HACD1: variants seen among roughly 807,000 people sequenced by gnomAD.
The protein encoded by HACD1 is very-long-chain (3R)-3-hydroxyacyl-CoA dehydratase 1.
In HACD1, 41 loss-of-function variants were observed where a neutral mutation model predicts 32.0. That is an observed-to-expected ratio of 1.28 (90% confidence interval 1.00 to 1.66). The LOEUF (loss-of-function observed/expected upper bound fraction) is 1.66, where lower values mean the gene tolerates loss of function less well. Ranked by LOEUF, HACD1 falls within the 40% of genes most tolerant of loss-of-function variation. The pLI is 0.00. For synonymous variants in HACD1, 142 were observed against 139.0 expected, an observed-to-expected ratio of 1.02 and a Z score of -0.15; for missense variants, 396 against 380.1, an observed-to-expected ratio of 1.04 and a Z score of -0.35.
At chr10:17,608,715 G>C (rs1834183768) in intron 1 of HACD1, among the ~76,000 whole-genome samples, 1 of 152,070 alleles carries the variant, frequency 6.6e-6, no homozygotes, top group African/African-American at 2.4e-5. Flanking sequence ...TCGAACTCCT[G>C]ACCTCAAGCG....
intron 5 of HACD1, among the ~76,000 whole-genome samples, chr10:17,597,430 G>T (rs758573775): frequency 6.6e-6 from 1 of 152,140 alleles, no homozygotes. Context: ...GAGCCACCAC[G>T]CCCAGCCTGC....
intron 1 of HACD1, among the ~76,000 whole-genome samples, chr10:17,609,407 C>T (rs1459291224): frequency 6.6e-6 from 1 of 151,988 alleles, no homozygotes; most frequent in Non-Finnish European, 1.5e-5. Flanking sequence ...CTCGCCTCGC[C>T]CTCCTAAAGT....
intron 1 of HACD1, among the ~76,000 whole-genome samples, chr10:17,612,479 C>T (rs1386386621): frequency 9.2e-5 from 14 of 151,914 alleles, no homozygotes; most frequent in African/African-American, 2.7e-4. Context: ...ATAAGCATTG[C>T]GAATAAGTAA....
chr10:17,599,370 C>G lies in HACD1; in HGVS notation c.525G>C (p.Trp175Cys). The G allele has an allele frequency of 6.2e-7, 1 of 1,613,816 alleles. No homozygotes were observed. ...AATAGCGAGTGATCTCTGTCACAGT[C>G]CACGCGACCAGAAAAAGCACCACAC... ...EESVVLFLVA[W>C]TVTEITRYSF... Residue 175 changes from tryptophan (W) to cysteine (C), a missense_variant, in exon 5 of 7, where the codon TGG (tryptophan) becomes TGC (cysteine). Physicochemically the swap from Trp to Cys is radical, Grantham distance 215 (BLOSUM62 -2). Coordinates refer to ENST00000361271, the MANE Select transcript of HACD1 (RefSeq NM_014241.4).
chr10:17,604,480 C>CAAAA (rs11354623), intron 1 of HACD1, among the ~76,000 whole-genome samples: 18 of 82,268 alleles, frequency 2.2e-4, no homozygotes, highest in East Asian at 7.2e-4. Context: ...CTGTCCGTCT[C>CAAAA]AAAAAAAAAA....
intron 1 of HACD1, chr10:17,615,800 CT>C: frequency 2.3e-6 from 1 of 429,626 alleles, no homozygotes; most frequent in South Asian, 1.6e-5. Context: ...TACCCTGTCT[CT>C]ACCAAAAATA....
At chr10:17,599,116 TA>T in intron 5 of HACD1, 173 bp downstream of exon 5, 4 of 1,183,136 alleles carry the variant, frequency 3.4e-6, no homozygotes, top group Non-Finnish European at 4.4e-6. Flanking sequence ...CTCTCATCAT[TA>T]AGCTTTTAGA....
intron 5 of HACD1, among the ~76,000 whole-genome samples, chr10:17,597,077 G>A (rs1395919186): frequency 6.6e-6 from 1 of 152,154 alleles, no homozygotes; most frequent in Non-Finnish European, 1.5e-5. Flanking sequence ...ATGATCAACT[G>A]ACAAAGTATT....
intron 1 of HACD1, among the ~76,000 whole-genome samples, chr10:17,610,048 A>G (rs1265232902): frequency 6.6e-6 from 1 of 151,198 alleles, no homozygotes; most frequent in Non-Finnish European, 1.5e-5. Context: ...CAGCCCCTCC[A>G]CTCCTAGGTA....
intron 4 of HACD1, among the ~76,000 whole-genome samples, chr10:17,602,490 A>G (rs564346558): frequency 6.6e-6 from 1 of 152,328 alleles, no homozygotes; most frequent in African/African-American, 2.4e-5. Flanking sequence ...ATGCCTCAAT[A>G]AAAATTGTTT....
intron 5 of HACD1, among the ~76,000 whole-genome samples, chr10:17,594,681 T>C (rs528319544): frequency 1.4e-4 from 21 of 152,176 alleles, no homozygotes; most frequent in African/African-American, 5.1e-4. Context: ...GTTTTTCTTG[T>C]TTTTGTTTTG....
At chr10:17,591,291 C>T (rs1480063712) in intron 6 of HACD1, among the ~76,000 whole-genome samples, 2 of 152,136 alleles carry the variant, frequency 1.3e-5, no homozygotes, top group Admixed American at 6.5e-5. Context: ...ATGGTTAACC[C>T]TCAGGACCAT....
At position 17,617,190 on chromosome 10, in the gene HACD1, G is replaced by A. The variant is rs1554818250; in HGVS notation, c.150C>T (p.Gly50=). The A allele has an allele frequency of 6.7e-7, 1 of 1,502,114 alleles. No homozygotes were observed. Among genetic ancestry groups the A allele is most frequent in the East Asian group, 2.8e-5 (1 of 35,886 alleles). The allele number at this position is 1,502,114 out of a possible 1,614,324, so 93.0% of individuals were successfully genotyped here. A position where few individuals can be genotyped will look rare whatever the true frequency, so the allele number is the denominator to read the frequency against. ...GGTCCTCGCCGGCCTCCGAGGCGCC[G>A]CCGTTGGTGCCGTCCTCGTCGCTGG... ...MASSDEDGTN[G]GASEAGEDRE... is the part of the protein sequence containing the mutation. The change falls in exon 1 of 7, where the codon GGC becomes GGT. Residue 50 remains glycine (G), a synonymous_variant. Transcript: ENST00000361271.
chr10:17,605,128 T>G (rs1834127272), intron 1 of HACD1, among the ~76,000 whole-genome samples: 1 of 152,122 alleles, frequency 6.6e-6, no homozygotes, highest in Non-Finnish European at 1.5e-5. Flanking sequence ...GTTCACTGGG[T>G]GCAGAGTTTC....
In HACD1 at chr10:17,590,166, A is replaced by G. The variant is rs553886255; in HGVS notation, c.*198T>C. Reference sequence around the variant, plus strand: ...ATCAATACCTACCCAAAAGTTACTGATATTTGCACAGTTCTTGTAAAAAAT... The same window carrying G: ...ATCAATACCTACCCAAAAGTTACTGGTATTTGCACAGTTCTTGTAAAAAAT... On this transcript the variant is annotated 3_prime_UTR_variant, in exon 7 of 7. Transcript: ENST00000361271. The G allele has an allele frequency of 1.0e-4, 36 of 355,122 alleles. No homozygotes were observed. The East Asian group carries it at 1.6e-3, about 16-fold the overall frequency. The allele number at this position is 355,122 out of a possible 1,614,324, so 22.0% of individuals were successfully genotyped here.
chr10:17,613,135 TGTGTGTG>T (rs1483199875), intron 1 of HACD1, among the ~76,000 whole-genome samples: 141 of 138,992 alleles, frequency 1.0e-3, no homozygotes, highest in East Asian at 5.3e-3. Flanking sequence ...TGTGTGTGTG[TGTGTGTG>T]TGTGTTTTGT....
chr10:17,595,181 TGTAATG>T (rs1554815922), intron 5 of HACD1, among the ~76,000 whole-genome samples: 1 of 152,098 alleles, frequency 6.6e-6, no homozygotes, highest in East Asian at 1.9e-4. Flanking sequence ...AAAAAAGTAT[TGTAATG>T]GTAACTTCTT....
At chr10:17,606,552 C>CT (rs1834151508) in intron 1 of HACD1, among the ~76,000 whole-genome samples, 1 of 152,140 alleles carries the variant, frequency 6.6e-6, no homozygotes, top group Non-Finnish European at 1.5e-5. Flanking sequence ...GCAGTTTTAA[C>CT]TTTTTTAATC....
intron 5 of HACD1, among the ~76,000 whole-genome samples, chr10:17,595,996 A>C (rs1254156317): frequency 6.6e-6 from 1 of 152,302 alleles, no homozygotes; most frequent in East Asian, 1.9e-4. Context: ...AAAAAAAATA[A>C]ATTTAATTTA....
Sources: allele counts gnomAD v4.1 joint callset (sites outside exome capture counted in the v4.1 genomes callset), GRCh38; gene constraint gnomAD v4.1.1; transcripts MANE v1.5; gene names NCBI Gene and HGNC (gene_info 2026-07-23, HGNC 2026-07-21).